LARGE1: variants seen among roughly 807,000 people sequenced by gnomAD.
LARGE1 encodes xylosyl- and glucuronyltransferase LARGE1.
In LARGE1, 43 loss-of-function variants were observed where a neutral mutation model predicts 87.6. That is an observed-to-expected ratio of 0.49 (90% confidence interval 0.38 to 0.63). The LOEUF (loss-of-function observed/expected upper bound fraction) is 0.63, where lower values mean the gene tolerates loss of function less well. Among genes scored for constraint, LARGE1 ranks in the 30% least tolerant of loss-of-function variants. LARGE1 has a pLI of 0.00. For missense variants in LARGE1, 802 were observed against 1,000.2 expected, an observed-to-expected ratio of 0.80 and a Z score of 2.67; for synonymous variants, 434 against 394.6, an observed-to-expected ratio of 1.10 and a Z score of -1.18.
chr22:33,578,192 T>C (rs2078408031), intron 5 of LARGE1, among the ~76,000 whole-genome samples: 1 of 152,196 alleles, frequency 6.6e-6, no homozygotes, highest in South Asian at 2.1e-4. Flanking sequence ...GTCTAACCTT[T>C]CTAGATTTAG....
chr22:33,104,925 TTCTTTCTTTCTTTCTTTCTTTCTCTTTC>T, the LARGE1 span, among the ~76,000 whole-genome samples: 32 of 118,452 alleles, frequency 2.7e-4, no homozygotes, highest in South Asian at 5.6e-4. Context: ...CTTTCTTTCT[TTCTTTCTTTCTTTCTTTCTTTCTCTTTC>T]TCTCTTTCTC....
intron 1 of LARGE1, among the ~76,000 whole-genome samples, chr22:33,790,038 G>GTGTCCCCAAAACTCCCCTTGAAT (rs1439152099): frequency 5.3e-5 from 8 of 152,150 alleles, no homozygotes; most frequent in Admixed American, 1.3e-4. Flanking sequence ...TGGTTTGGCT[G>GTGTCCCCAAAACTCCCCTTGAAT]TGTCCCCAAA....
At chr22:33,105,126 T>C in the LARGE1 span, among the ~76,000 whole-genome samples, 2 of 151,718 alleles carry the variant, frequency 1.3e-5, no homozygotes, top group East Asian at 3.9e-4. Flanking sequence ...GCCTCCCAAG[T>C]AGCTGGGATT....
intron 2 of LARGE1, chr22:33,723,730 C>G (rs1305568386): frequency 7.1e-6 from 1 of 141,542 alleles, no homozygotes; most frequent in African/African-American, 2.7e-5. Context: ...CCCCTTTTTT[C>G]CCCCTCTACC....
At position 33,556,385 on chromosome 22, in the gene LARGE1, G is replaced by A. The variant is rs553040813; in HGVS notation, c.787+8463C>T. Among the ~76,000 whole-genome samples, 3 of 152,026 alleles carry A rather than the reference G, an allele frequency of 2.0e-5. No individual in the cohort carries two copies. The East Asian group carries it at 5.8e-4, about 29-fold the overall frequency. On this transcript the variant is annotated intron_variant, in intron 6 of 14. Transcript: ENST00000397394. The stretch of plus-strand genomic sequence containing the variant: ...ATTTAATAGATATTAGCAACAGGAG[G>A]GTAGAGCTAGGTCTGTCTCAGTTAA...
the LARGE1 span, among the ~76,000 whole-genome samples, chr22:33,152,329 T>C: frequency 6.6e-6 from 1 of 152,210 alleles, no homozygotes; most frequent in Non-Finnish European, 1.5e-5. Context: ...TGACCAAAAC[T>C]GCACCTCTTC....
At chr22:33,570,210 G>A (rs1026484861) in intron 5 of LARGE1, among the ~76,000 whole-genome samples, 1 of 152,116 alleles carries the variant, frequency 6.6e-6, no homozygotes, top group Non-Finnish European at 1.5e-5. Context: ...CTCATGCGGG[G>A]CAAGCAACAG....
At chr22:33,211,188 T>C (rs1206303532) in intron 11 of LARGE1, among the ~76,000 whole-genome samples, 1 of 152,194 alleles carries the variant, frequency 6.6e-6, no homozygotes, top group East Asian at 1.9e-4. Flanking sequence ...GAGAACTTAA[T>C]CTATAAATGT....
intron 5 of LARGE1, among the ~76,000 whole-genome samples, chr22:33,599,623 G>A (rs914720604): frequency 3.9e-5 from 6 of 152,130 alleles, no homozygotes; most frequent in South Asian, 2.1e-4. Context: ...CCCACAGTTC[G>A]TTTTTAATCA....
At chr22:33,897,651 G>A (rs986003259) in intron 1 of LARGE1, among the ~76,000 whole-genome samples, 3 of 152,184 alleles carry the variant, frequency 2.0e-5, no homozygotes, top group Non-Finnish European at 2.9e-5. Context: ...GCTTTATTAC[G>A]AGAGTCTAAG....
intron 1 of LARGE1, among the ~76,000 whole-genome samples, chr22:33,810,111 G>T (rs904533063): frequency 6.6e-6 from 1 of 152,162 alleles, no homozygotes; most frequent in Non-Finnish European, 1.5e-5. Context: ...GATGGGAAGA[G>T]AACTAACATT....
At chr22:33,237,418 C>T (rs1262517771) in intron 11 of LARGE1, among the ~76,000 whole-genome samples, 1 of 151,288 alleles carries the variant, frequency 6.6e-6, no homozygotes, top group Non-Finnish European at 1.5e-5. Flanking sequence ...GCAAATCCTG[C>T]TAAAGTTGAC....
At chr22:33,641,382 A>G (rs2080427743) in intron 3 of LARGE1, among the ~76,000 whole-genome samples, 1 of 152,202 alleles carries the variant, frequency 6.6e-6, no homozygotes, top group African/African-American at 2.4e-5. Flanking sequence ...AAAGGCCATC[A>G]GCATCCAAGA....
chr22:33,694,541 TA>T (rs1162308187), intron 2 of LARGE1, among the ~76,000 whole-genome samples: 2 of 152,108 alleles, frequency 1.3e-5, no homozygotes, highest in East Asian at 1.9e-4. Context: ...TCTGGTGGAA[TA>T]TTTTTTTTTT....
chr22:33,121,328 T>C, the LARGE1 span, among the ~76,000 whole-genome samples: 1 of 152,212 alleles, frequency 6.6e-6, no homozygotes, highest in South Asian at 2.1e-4. Flanking sequence ...CACCCAAAGA[T>C]GTCCTTTGTT....
At chr22:33,703,133 T>G (rs111264704) in intron 2 of LARGE1, among the ~76,000 whole-genome samples, 1 of 149,816 alleles carries the variant, frequency 6.7e-6, no homozygotes, top group Non-Finnish European at 1.5e-5. Context: ...TAAATGGGAG[T>G]TGAACAATGA....
At chr22:33,404,020 T>C (rs533831898) in intron 7 of LARGE1, among the ~76,000 whole-genome samples, 181 of 152,232 alleles carry the variant, frequency 1.2e-3, no homozygotes, top group Non-Finnish European at 1.7e-3. Context: ...CATCTGAAAA[T>C]AGAAATCATA....
chr22:33,134,536 C>T, the LARGE1 span, among the ~76,000 whole-genome samples: 2 of 152,174 alleles, frequency 1.3e-5, no homozygotes, highest in African/African-American at 4.8e-5. Flanking sequence ...GGATTACAGG[C>T]GTGAGCCACA....
At chr22:33,670,092 G>A (rs953188454) in intron 2 of LARGE1, among the ~76,000 whole-genome samples, 2 of 152,082 alleles carry the variant, frequency 1.3e-5, no homozygotes, top group African/African-American at 2.4e-5. Context: ...TTGTCAACCT[G>A]TTTGTTTATT....
Sources: allele counts gnomAD v4.1 joint callset (sites outside exome capture counted in the v4.1 genomes callset), GRCh38; gene constraint gnomAD v4.1.1; transcripts MANE v1.5; gene names NCBI Gene and HGNC (gene_info 2026-07-23, HGNC 2026-07-21).